The following FGF12 variants were observed in gnomAD, a reference collection of about 807,000 sequenced individuals.
FGF12 encodes fibroblast growth factor 12, also known as fibroblast growth factor 12B.
Under a neutral mutation model 23.6 loss-of-function variants are expected in FGF12, and 14 were observed. The ratio of observed to expected loss-of-function variants is 0.59; its 90% CI spans 0.39 to 0.93. The LOEUF (loss-of-function observed/expected upper bound fraction) is 0.93, where lower values mean the gene tolerates loss of function less well. Ranked by LOEUF, FGF12 falls within the 40% of genes least tolerant of loss-of-function variation. The pLI is 0.00. For missense variants in FGF12, 175 were observed against 217.8 expected (o/e 0.80, Z 1.24); for synonymous variants, 62 against 77.3 (o/e 0.80, Z 1.04).
At chr3:192,251,976 T>C (rs1157158820) in intron 4 of FGF12, among the ~76,000 whole-genome samples, 2 of 152,130 alleles carry the variant, frequency 1.3e-5, no homozygotes, top group East Asian at 1.9e-4. Context: ...AAGAAACACG[T>C]ATCGTTATTT....
intron 2 of FGF12, among the ~76,000 whole-genome samples, chr3:192,381,998 T>A (rs889137801): frequency 1.3e-5 from 2 of 151,976 alleles, no homozygotes; most frequent in African/African-American, 2.4e-5. Context: ...ATAACACTTT[T>A]TTTTTTTTTC....
intron 2 of FGF12, among the ~76,000 whole-genome samples, chr3:192,642,446 A>T (rs1454415084): frequency 6.6e-6 from 1 of 152,230 alleles, no homozygotes; most frequent in Admixed American, 6.5e-5. Flanking sequence ...AACATAATAA[A>T]GGATAATATT....
chr3:192,584,557 T>A (rs1713295624), intron 2 of FGF12, among the ~76,000 whole-genome samples: 1 of 152,122 alleles, frequency 6.6e-6, no homozygotes, highest in Non-Finnish European at 1.5e-5. Flanking sequence ...CGATTTCACA[T>A]AGAGGTTTGG....
At chr3:192,389,817 A>C (rs1273937941) in intron 2 of FGF12, among the ~76,000 whole-genome samples, 1 of 152,250 alleles carries the variant, frequency 6.6e-6, no homozygotes, top group Non-Finnish European at 1.5e-5. Flanking sequence ...ATGGTGAAAT[A>C]AATATTATAT....
At chr3:192,178,176 A>G (rs2108629408) in intron 4 of FGF12, among the ~76,000 whole-genome samples, 1 of 152,308 alleles carries the variant, frequency 6.6e-6, no homozygotes, top group Middle Eastern at 3.4e-3. Context: ...GCCAAATTAC[A>G]CAATCTCAAA....
intron 4 of FGF12, among the ~76,000 whole-genome samples, chr3:192,189,479 AT>A (rs1222335874): frequency 6.6e-6 from 1 of 152,054 alleles, no homozygotes; most frequent in Non-Finnish European, 1.5e-5. Context: ...TCACCCCAAA[AT>A]TTTTTTGTTG....
intron 3 of FGF12, among the ~76,000 whole-genome samples, chr3:192,344,362 GA>G (rs145191143): frequency 5.5e-4 from 80 of 145,572 alleles, no homozygotes; most frequent in Middle Eastern, 3.5e-3. Flanking sequence ...TGTTATGGGA[GA>G]AAAAAAAAAG....
chr3:192,332,271 C>T (rs947007241), intron 4 of FGF12, among the ~76,000 whole-genome samples: 1 of 151,376 alleles, frequency 6.6e-6, no homozygotes, highest in Non-Finnish European at 1.5e-5. Context: ...CAAAGTATGT[C>T]GTGATTTATG....
chr3:192,681,255 G>C (rs1196738829), intron 2 of FGF12, among the ~76,000 whole-genome samples: 2 of 152,222 alleles, frequency 1.3e-5, no homozygotes, highest in Non-Finnish European at 2.9e-5. Context: ...GTAAACTAGA[G>C]ACGATAAAAG....
chr3:192,689,321 G>A (rs1717868150), intron 2 of FGF12, among the ~76,000 whole-genome samples: 2 of 152,100 alleles, frequency 1.3e-5, no homozygotes, highest in Non-Finnish European at 2.9e-5. Flanking sequence ...CACATTCTAT[G>A]TATGTAACAA....
At position 192,140,306 on chromosome 3, in the gene FGF12, T is replaced by A. The variant is rs927272212; in HGVS notation, c.*3703A>T. On this transcript the variant is annotated 3_prime_UTR_variant, in exon 6 of 6. Coordinates refer to ENST00000445105, the MANE Select transcript of FGF12 (RefSeq NM_004113.6). ...TTATGACAGAGAAATAACCTCAGCC[T>A]TTTATGGTATTAAAATGAGCAGGGA... is the stretch of plus-strand genomic sequence containing the variant. The A allele has an allele frequency of 2.0e-5, 3 of 152,056 alleles. No individual in the cohort carries two copies. Among genetic ancestry groups the A allele is most frequent in the African/African-American group, 4.8e-5 (2 of 41,440 alleles). The allele number at this position is 152,056 out of a possible 1,614,324, so 9.4% of individuals were successfully genotyped here. A position where few individuals can be genotyped will look rare whatever the true frequency, so the allele number is the denominator to read the frequency against.
Position 192,232,277 on chromosome 3 carries a change from A to G in FGF12, c.229-61621T>C, listed in dbSNP as rs185914902. 1.6e-3 allele frequency among the ~76,000 whole-genome samples: 249 copies of G among 152,252 alleles called. 2 individuals carry two copies. The highest frequency in any genetic ancestry group is 5.7e-3 in the African/African-American group (237 of 41,566). ...TCATTTTCTTTCCTTTCTTTTTAAA[A>G]TAGTAAATAAAGAAGGAATGATTAT... On this transcript the variant is annotated intron_variant, in intron 4 of 5. Coordinates refer to ENST00000445105, the MANE Select transcript of FGF12 (RefSeq NM_004113.6).
intron 3 of FGF12, among the ~76,000 whole-genome samples, chr3:192,355,205 G>A (rs1336380189): frequency 6.6e-6 from 1 of 152,120 alleles, no homozygotes; most frequent in Non-Finnish European, 1.5e-5. Flanking sequence ...ACTTATATAG[G>A]AGGATATTCT....
At chr3:192,698,304 A>G (rs1261306771) in intron 2 of FGF12, among the ~76,000 whole-genome samples, 1 of 152,208 alleles carries the variant, frequency 6.6e-6, no homozygotes, top group Non-Finnish European at 1.5e-5. Flanking sequence ...TGTTTACTCA[A>G]AAATGTATTG....
chr3:192,726,856 A>G (rs1213078918), intron 2 of FGF12: 5 of 394,774 alleles, frequency 1.3e-5, no homozygotes, highest in African/African-American at 7.9e-5. Context: ...GAGTCCATCC[A>G]TTATACAGAA....
intron 2 of FGF12, among the ~76,000 whole-genome samples, chr3:192,579,833 A>G (rs992032723): frequency 6.6e-6 from 1 of 152,106 alleles, no homozygotes; most frequent in Non-Finnish European, 1.5e-5. Context: ...GCCTCCCCAA[A>G]TGCTCAGATT....
chr3:192,353,248 T>C (rs1285923411), intron 3 of FGF12, among the ~76,000 whole-genome samples: 1 of 152,042 alleles, frequency 6.6e-6, no homozygotes, highest in Admixed American at 6.6e-5. Flanking sequence ...GATTTTTAAA[T>C]ACTATGTATT....
At chr3:192,521,709 C>G (rs1316231015) in intron 2 of FGF12, among the ~76,000 whole-genome samples, 1 of 152,048 alleles carries the variant, frequency 6.6e-6, no homozygotes, top group Non-Finnish European at 1.5e-5. Context: ...CCTATCTCCC[C>G]GCCTCCCCCA....
At chr3:192,673,863 T>C (rs563134793) in intron 2 of FGF12, among the ~76,000 whole-genome samples, 4 of 151,316 alleles carry the variant, frequency 2.6e-5, no homozygotes, top group Admixed American at 6.6e-5. Flanking sequence ...TGTGCATGTA[T>C]CTTTATAATA....
Sources: gnomAD v4.1 joint callset for allele counts (sites outside exome capture counted in the v4.1 genomes callset) on GRCh38, gnomAD v4.1.1 for gene constraint, MANE v1.5 for transcripts, NCBI Gene and HGNC (gene_info 2026-07-23, HGNC 2026-07-21) for gene names.